The following TRIP4 variants were observed in gnomAD, a reference collection of about 807,000 sequenced individuals.
The protein encoded by TRIP4 is activating signal cointegrator 1.
Under a neutral mutation model 81.8 loss-of-function variants are expected in TRIP4, and 54 were observed. The observed-to-expected ratio is 0.66, with a 90% CI of 0.53 to 0.83. The LOEUF (loss-of-function observed/expected upper bound fraction) is 0.83. TRIP4 is among the 40% of genes least tolerant of loss of function. The pLI, the probability that TRIP4 is intolerant of heterozygous loss-of-function variation, is 0.00. For missense variants in TRIP4, 662 were observed against 683.6 expected (o/e 0.97, Z 0.35); for synonymous variants, 270 against 242.8 (o/e 1.11, Z -1.04).
intron 9 of TRIP4, among the ~76,000 whole-genome samples, chr15:64,422,390 T>A (rs921100245): frequency 6.6e-6 from 1 of 152,224 alleles, no homozygotes; most frequent in Admixed American, 6.5e-5. Flanking sequence ...GCATAATCAT[T>A]TCTACTTTGG....
chr15:64,403,688 A>G (rs770293457), intron 5 of TRIP4, among the ~76,000 whole-genome samples: 1 of 152,186 alleles, frequency 6.6e-6, no homozygotes, highest in African/African-American at 2.4e-5. Context: ...GTAGCTAAAA[A>G]TAGTCTTTTA....
intron 11 of TRIP4, among the ~76,000 whole-genome samples, chr15:64,442,006 A>C (rs903993986): frequency 1.3e-5 from 2 of 152,180 alleles, no homozygotes; most frequent in African/African-American, 4.8e-5. Context: ...AGGCAGGAAC[A>C]ACAAGGAAGC....
Position 64,422,006 on chromosome 15 carries a change from G to T in TRIP4, c.1359-2025G>T, listed in dbSNP as rs539849407. Reference sequence around the variant, plus strand: ...GCTGGAGTGAGCCGAGATTGCCTGGGTGATAGAGTGAGACTCAGTCTCAAA... The same window carrying T: ...GCTGGAGTGAGCCGAGATTGCCTGGTTGATAGAGTGAGACTCAGTCTCAAA... On this transcript the variant is annotated intron_variant, in intron 9 of 12. Transcript: ENST00000261884. 3.5e-4 allele frequency among the ~76,000 whole-genome samples: 52 copies of T among 150,714 alleles called. 2 individuals are homozygous for T. In the East Asian group the frequency reaches 0.01, roughly 29 times the overall value.
At chr15:64,454,670 A>T (rs1892846680) in intron 12 of TRIP4, among the ~76,000 whole-genome samples, 1 of 152,186 alleles carries the variant, frequency 6.6e-6, no homozygotes. Flanking sequence ...CCTTTATTGC[A>T]TGTGTATATT....
Position 64,397,838 on chromosome 15 carries a change from T to TTA in TRIP4, c.618+21_618+22insAT. 6.2e-7 allele frequency: 1 copy of TTA among 1,611,774 alleles called. No homozygotes were observed. Among genetic ancestry groups the TTA allele is most frequent in the Non-Finnish European group, 8.5e-7 (1 of 1,178,214 alleles). On this transcript the variant is annotated intron_variant, in intron 4 of 12. Coordinates refer to ENST00000261884, the MANE Select transcript of TRIP4 (RefSeq NM_016213.5). ...ACTCTGGTAAATTATTTCTTTTCTA[T>TTA]TTTATTTTACTGTGCTTTGTGTTAA...
chr15:64,398,661 C>A (rs1176301512), intron 4 of TRIP4, among the ~76,000 whole-genome samples: 1 of 151,990 alleles, frequency 6.6e-6, no homozygotes, highest in East Asian at 1.9e-4. Flanking sequence ...GTTGAGAGAT[C>A]CAAGGGCTAG....
intron 5 of TRIP4, among the ~76,000 whole-genome samples, chr15:64,402,354 G>C (rs112365023): frequency 1.3e-5 from 2 of 149,380 alleles, no homozygotes; most frequent in African/African-American, 5.0e-5. Flanking sequence ...TCCCCAGTAG[G>C]TGGGATTACA....
At chr15:64,427,465 T>G (rs1892174124) in intron 11 of TRIP4, among the ~76,000 whole-genome samples, 1 of 152,144 alleles carries the variant, frequency 6.6e-6, no homozygotes, top group Non-Finnish European at 1.5e-5. Context: ...AACCTCTGCC[T>G]CCTGGGCTTA....
At chr15:64,417,093 C>T (rs1891905357) in intron 8 of TRIP4, among the ~76,000 whole-genome samples, 1 of 152,114 alleles carries the variant, frequency 6.6e-6, no homozygotes, top group African/African-American at 2.4e-5. Context: ...CTGCAGCCTC[C>T]ACCTCCCAGG....
At chr15:64,417,749 A>G (rs991782484) in intron 8 of TRIP4, among the ~76,000 whole-genome samples, 2 of 152,184 alleles carry the variant, frequency 1.3e-5, no homozygotes, top group Non-Finnish European at 2.9e-5. Context: ...AGTAGTCAGA[A>G]CTGCTGCCTC....
chr15:64,396,619 C>T (rs532126060), intron 3 of TRIP4, among the ~76,000 whole-genome samples: 1 of 152,306 alleles, frequency 6.6e-6, no homozygotes, highest in East Asian at 1.9e-4. Flanking sequence ...CATCTCTACT[C>T]TGGGCAGCTA....
intron 3 of TRIP4, 56 bp from the exon 4 acceptor site, chr15:64,397,550 G>T (rs1328844846): frequency 1.9e-6 from 3 of 1,569,538 alleles, no homozygotes; most frequent in African/African-American, 2.7e-5. Flanking sequence ...TTTCTCCCTT[G>T]ACTTTTTACA....
At chr15:64,453,630 T>C (rs898999601) in intron 12 of TRIP4, among the ~76,000 whole-genome samples, 1 of 152,210 alleles carries the variant, frequency 6.6e-6, no homozygotes, top group Non-Finnish European at 1.5e-5. Flanking sequence ...AGCATTGTGA[T>C]TATTGTTAAA....
chr15:64,406,997 G>GT, intron 6 of TRIP4, among the ~76,000 whole-genome samples: 1 of 141,882 alleles, frequency 7.0e-6, no homozygotes, highest in African/African-American at 2.4e-5. Flanking sequence ...ATTGACTTCT[G>GT]TTTAGGAGAT....
chr15:64,422,355 A>G (rs2140299655), intron 9 of TRIP4, among the ~76,000 whole-genome samples: 1 of 152,274 alleles, frequency 6.6e-6, no homozygotes, highest in East Asian at 1.9e-4. Context: ...ACTTTACTTA[A>G]AAGCAAATGA....
rs1330795310 is a variant in TRIP4, at chr15:64,393,316, A to AT, written c.102-621dup. 1,299 of 131,128 alleles carry AT rather than the reference A, an allele frequency of 9.9e-3. 18 individuals carry two copies. Among genetic ancestry groups the AT allele is most frequent in the Middle Eastern group, 0.031 (8 of 262 alleles). The allele number at this position is 131,128 out of a possible 1,614,324, so 8.1% of individuals were successfully genotyped here. A position where few individuals can be genotyped will look rare whatever the true frequency, so the allele number is the denominator to read the frequency against. ...AGGCGCCTGCTACCATACCCGCCTA[A>AT]TTTTTTTTTGTTTTTTTTTTTTAGT... On this transcript the variant is annotated intron_variant, in intron 1 of 12. Transcript: ENST00000261884.
rs865858751 is a variant in TRIP4 at position 64,448,573 on chromosome 15, C to T, written c.1678+3465C>T. ...CCATCTCCCAGGCTCAAGTGATCCT[C>T]CCACCTCAGCCTCCTAAGTAGCTGG... On this transcript the variant is annotated intron_variant, in intron 12 of 12. Transcript: ENST00000261884. Among the ~76,000 whole-genome samples the T allele has an allele frequency of 7.9e-5, 12 of 152,288 alleles. 1 individual carries two copies. The South Asian group carries it at 1.0e-3, about 13-fold the overall frequency.
At chr15:64,408,460 C>T (rs1002710971) in intron 6 of TRIP4, among the ~76,000 whole-genome samples, 2 of 151,072 alleles carry the variant, frequency 1.3e-5, no homozygotes, top group South Asian at 2.1e-4. Flanking sequence ...GGGGTTTCAC[C>T]GTGTTAGCCA....
At chr15:64,453,112 G>A (rs1296887707) in intron 12 of TRIP4, among the ~76,000 whole-genome samples, 1 of 152,202 alleles carries the variant, frequency 6.6e-6, no homozygotes, top group Non-Finnish European at 1.5e-5. Flanking sequence ...GAACCTGGGT[G>A]GTGGGGGTTG....
Sources: gnomAD v4.1 joint callset for allele counts (sites outside exome capture counted in the v4.1 genomes callset) on GRCh38, gnomAD v4.1.1 for gene constraint, MANE v1.5 for transcripts, NCBI Gene and HGNC (gene_info 2026-07-23, HGNC 2026-07-21) for gene names.